PDE1A: variants seen among roughly 807,000 people sequenced by gnomAD.
The protein encoded by PDE1A is dual specificity calcium/calmodulin-dependent 3',5'-cyclic nucleotide phosphodiesterase 1A.
A neutral mutation model predicts 61.7 loss-of-function variants in PDE1A; 35 were observed. That is an observed-to-expected ratio of 0.57 (90% CI 0.43 to 0.75). The LOEUF (loss-of-function observed/expected upper bound fraction) is 0.75, where lower values mean the gene tolerates loss of function less well. PDE1A is among the 30% of genes least tolerant of loss of function. The pLI, the probability that PDE1A is intolerant of heterozygous loss-of-function variation, is 0.00. For synonymous variants in PDE1A, 232 were observed against 213.2 expected (o/e 1.09, Z -0.77); for missense variants, 597 against 630.6 (o/e 0.95, Z 0.57).
chr2:182,419,141 G>A (rs1290697041), intron 1 of PDE1A, among the ~76,000 whole-genome samples: 1 of 151,484 alleles, frequency 6.6e-6, no homozygotes, highest in Non-Finnish European at 1.5e-5. Context: ...AACAAGTTAA[G>A]TTCAAATTTG....
chr2:182,681,740 G>A, the PDE1A span, among the ~76,000 whole-genome samples: 4 of 152,032 alleles, frequency 2.6e-5, no homozygotes, highest in Non-Finnish European at 5.9e-5. Context: ...CCACCTTCCG[G>A]GTTCCCACTA....
At chr2:182,325,111 C>G (rs886177248) in intron 1 of PDE1A, among the ~76,000 whole-genome samples, 2 of 151,966 alleles carry the variant, frequency 1.3e-5, no homozygotes, top group Admixed American at 1.3e-4. Flanking sequence ...TTTGACTAGT[C>G]AACAGGAGCA....
the PDE1A span, among the ~76,000 whole-genome samples, chr2:182,544,005 T>C: frequency 5.9e-5 from 9 of 152,222 alleles, no homozygotes; most frequent in Admixed American, 4.6e-4. Flanking sequence ...TGATATTGAA[T>C]GTCTTTGGTG....
At chr2:182,167,747 C>T, downstream of PDE1A, 1 of 286,472 alleles carries the variant, frequency 3.5e-6, no homozygotes, top group Non-Finnish European at 5.2e-6. Context: ...TTCATCCCTG[C>T]CATTCACTCT....
At chr2:182,199,337 T>G (rs1686411693) in intron 10 of PDE1A, among the ~76,000 whole-genome samples, 2 of 152,182 alleles carry the variant, frequency 1.3e-5, no homozygotes, top group South Asian at 4.1e-4. Context: ...ATTTATTATA[T>G]CCTTCCATCA....
At chr2:182,287,738 T>C (rs1437639785) in intron 1 of PDE1A, among the ~76,000 whole-genome samples, 1 of 152,160 alleles carries the variant, frequency 6.6e-6, no homozygotes, top group Non-Finnish European at 1.5e-5. Flanking sequence ...CCTAAAGAAC[T>C]GCTTAGCTGA....
At chr2:182,566,028 A>C in the PDE1A span, among the ~76,000 whole-genome samples, 1 of 152,140 alleles carries the variant, frequency 6.6e-6, no homozygotes, top group Non-Finnish European at 1.5e-5. Context: ...GAGTTCAGGG[A>C]GTCTCAGAGC....
intron 1 of PDE1A, among the ~76,000 whole-genome samples, chr2:182,295,310 A>G (rs1270532623): frequency 2.6e-5 from 4 of 151,766 alleles, no homozygotes; most frequent in African/African-American, 9.7e-5. Flanking sequence ...TCCTGACCTC[A>G]TGATCCACCC....
chr2:182,447,098 T>A (rs1204911894), intron 2 of PDE1A, among the ~76,000 whole-genome samples: 11 of 145,498 alleles, frequency 7.6e-5, no homozygotes, highest in Admixed American at 5.0e-4. Context: ...AATGTTTACT[T>A]TGAGAACTTT....
At chr2:182,529,621 ATG>A in the PDE1A span, among the ~76,000 whole-genome samples, 3 of 152,300 alleles carry the variant, frequency 2.0e-5, no homozygotes, top group African/African-American at 4.8e-5. Context: ...GCGGAATGAT[ATG>A]TGTGTCTCCA....
intron 2 of PDE1A, among the ~76,000 whole-genome samples, chr2:182,465,558 T>G (rs1453282689): frequency 6.6e-6 from 1 of 152,128 alleles, no homozygotes; most frequent in Non-Finnish European, 1.5e-5. Flanking sequence ...TTTATTTTCT[T>G]TATTCTGTCC....
chr2:182,250,741 C>G (rs1035420193), intron 2 of PDE1A, among the ~76,000 whole-genome samples: 12 of 152,000 alleles, frequency 7.9e-5, no homozygotes, highest in Non-Finnish European at 7.4e-5. Context: ...TCCCAAAAGG[C>G]AAATCTTGGC....
At chr2:182,223,913 G>T (rs766958999) in exon 7 of PDE1A, 2 of 1,604,616 alleles carry the variant, frequency 1.2e-6, no homozygotes, top group Admixed American at 1.7e-5. Flanking sequence ...TCATAATCAT[G>T]AATGGCAGCA....
intron 1 of PDE1A, among the ~76,000 whole-genome samples, chr2:182,357,832 G>A (rs1225683376): frequency 6.6e-6 from 1 of 152,180 alleles, no homozygotes; most frequent in Non-Finnish European, 1.5e-5. Context: ...TTCAAAGGCA[G>A]CTCCACTGAG....
chr2:182,394,658 T>C (rs1701603878), intron 1 of PDE1A, among the ~76,000 whole-genome samples: 1 of 152,174 alleles, frequency 6.6e-6, no homozygotes, highest in Admixed American at 6.5e-5. Context: ...AATTAATGGA[T>C]TGTTAGTTCA....
At chr2:182,336,478 T>C (rs1407283465) in intron 1 of PDE1A, among the ~76,000 whole-genome samples, 1 of 152,104 alleles carries the variant, frequency 6.6e-6, no homozygotes, top group East Asian at 1.9e-4. Flanking sequence ...GGGACATGGA[T>C]GAAGCTGAAC....
chr2:182,578,161 C>T, the PDE1A span, among the ~76,000 whole-genome samples: 5 of 152,180 alleles, frequency 3.3e-5, no homozygotes, highest in African/African-American at 1.2e-4. Flanking sequence ...AATCATGGAA[C>T]CTCTATAATA....
intron 13 of PDE1A, among the ~76,000 whole-genome samples, chr2:182,159,159 T>A (rs956862093): frequency 1.3e-5 from 2 of 152,230 alleles, no homozygotes; most frequent in Non-Finnish European, 2.9e-5. Context: ...GTTTACTGGA[T>A]AAGCTAAAGT....
intron 2 of PDE1A, among the ~76,000 whole-genome samples, chr2:182,492,363 T>C (rs1031342867): frequency 6.6e-6 from 1 of 152,236 alleles, no homozygotes; most frequent in Admixed American, 6.5e-5. Flanking sequence ...AAAGCAAGCA[T>C]CAAGCTCTAA....
Sources: gnomAD v4.1 joint callset for allele counts (sites outside exome capture counted in the v4.1 genomes callset) on GRCh38, gnomAD v4.1.1 for gene constraint, MANE v1.5 for transcripts, NCBI Gene and HGNC (gene_info 2026-07-23, HGNC 2026-07-21) for gene names.